Variants in STS observed in about 807,000 individuals in gnomAD.
The protein encoded by STS is steryl-sulfatase.
STS carries 7 observed loss-of-function variants against 26.8 expected under a neutral mutation model. The observed-to-expected ratio is 0.26, with a 90% CI of 0.15 to 0.49. The LOEUF (loss-of-function observed/expected upper bound fraction) is 0.49, where lower values mean the gene tolerates loss of function less well. Among genes scored for constraint, STS ranks in the 20% least tolerant of loss-of-function variants. The probability of loss-of-function intolerance (pLI) is 0.98; values close to 1 mark genes in which losing one functional copy is unlikely to be tolerated. For missense variants in STS, 434 were observed against 465.6 expected (o/e 0.93, Z 0.63); for synonymous variants, 199 against 189.4 (o/e 1.05, Z -0.42).
Position 7,158,252 on chromosome X carries a change from G to A in STS, c.-134+10169G>A, listed in dbSNP as rs372498437. Among the ~76,000 whole-genome samples, 10 of 111,364 alleles carry A rather than the reference G, an allele frequency of 9.0e-5. No homozygotes were observed. In the East Asian group the frequency reaches 1.1e-3, roughly 13 times the overall value. ...ATCTGCTCTAGAGACTTCTGATCTC[G>A]AGGACTAGGGGGAGTTGATTTAGGT... is the stretch of plus-strand genomic sequence containing the variant. On this transcript the variant is annotated intron_variant, in intron 1 of 10. Coordinates refer to ENST00000674429, the MANE Select transcript of STS (RefSeq NM_001320752.2).
chrX:7,335,067 T>C (rs1927947965), intron 10 of STS, among the ~76,000 whole-genome samples: 1 of 112,616 alleles, frequency 8.9e-6, no homozygotes, highest in African/African-American at 3.2e-5. Context: ...ACAATAAACA[T>C]ACTTGTGCAT....
chrX:7,275,045 C>A (rs1242647621), intron 6 of STS, among the ~76,000 whole-genome samples: 1 of 109,925 alleles, frequency 9.1e-6, no homozygotes, highest in African/African-American at 3.3e-5. Flanking sequence ...CACAGAAAGA[C>A]AAATACTGCA....
Position 7,353,275 on chromosome X carries a change from G to A in STS, c.*3014G>A, listed in dbSNP as rs148276976. 9.0e-5 allele frequency: 10 copies of A among 110,526 alleles called. No individual in the cohort carries two copies. In the East Asian group the frequency reaches 2.8e-3, roughly 31 times the overall value. 9.1% of individuals were successfully genotyped at this position (110,526 alleles called of 1,213,427 possible). ...CTCCGACCTCCATGATCCGAGAGTG[G>A]GAAAAGGCCCGATTATTACCCATAA... On this transcript the variant is annotated 3_prime_UTR_variant, in exon 11 of 11. Coordinates refer to ENST00000674429, the MANE Select transcript of STS (RefSeq NM_001320752.2).
intron 6 of STS, among the ~76,000 whole-genome samples, chrX:7,272,373 G>C (rs765452038): frequency 9.1e-6 from 1 of 109,965 alleles, no homozygotes; most frequent in African/African-American, 3.3e-5. Flanking sequence ...ACCATGTCCC[G>C]TCAAAGTAAC....
intron 7 of STS, among the ~76,000 whole-genome samples, chrX:7,297,378 GACTA>G (rs2147130598): frequency 9.1e-6 from 1 of 110,411 alleles, no homozygotes; most frequent in South Asian, 3.9e-4. Context: ...TATATAAGGT[GACTA>G]TACTATGAAA....
intron 9 of STS, among the ~76,000 whole-genome samples, chrX:7,330,281 C>G (rs1297198487): frequency 8.9e-6 from 1 of 111,923 alleles, no homozygotes; most frequent in South Asian, 3.8e-4. Flanking sequence ...TCTTTGCAAG[C>G]AGATACAATA....
chrX:7,336,239 G>GGGGGCCCC, intron 10 of STS, among the ~76,000 whole-genome samples: 1 of 88,769 alleles, frequency 1.1e-5, no homozygotes, highest in African/African-American at 4.1e-5. Context: ...ACCTAGGACT[G>GGGGGCCCC]CCCCCCCCAC....
chrX:7,341,213 A>T (rs188657862), intron 10 of STS, among the ~76,000 whole-genome samples: 232 of 111,924 alleles, frequency 2.1e-3, no homozygotes, highest in African/African-American at 7.1e-3. Flanking sequence ...ATTAATCGAA[A>T]TGTCTTCCCC....
At chrX:7,197,590 A>G (rs1338470190) in intron 2 of STS, among the ~76,000 whole-genome samples, 1 of 111,988 alleles carries the variant, frequency 8.9e-6, no homozygotes, top group Non-Finnish European at 1.9e-5. Context: ...TAAAGGATTA[A>G]TTTTCTTAAT....
At chrX:7,223,967 T>C (rs749525565) in intron 2 of STS, among the ~76,000 whole-genome samples, 1 of 110,686 alleles carries the variant, frequency 9.0e-6, no homozygotes, top group African/African-American at 3.3e-5. Flanking sequence ...AGGAGAGGCA[T>C]TGGCGAGAGT....
chrX:7,171,696 G>C (rs1264440020), intron 1 of STS, among the ~76,000 whole-genome samples: 2 of 111,209 alleles, frequency 1.8e-5, no homozygotes, highest in African/African-American at 6.5e-5. Flanking sequence ...AAGTACTCCT[G>C]ACGACTGCCC....
chrX:7,275,409 A>G (rs1054521843), intron 6 of STS, among the ~76,000 whole-genome samples: 17 of 111,702 alleles, frequency 1.5e-4, no homozygotes, highest in African/African-American at 5.2e-4. Flanking sequence ...CAACAAGTCT[A>G]TACAAGAATT....
intron 9 of STS, 135 bp from the exon 10 acceptor site, chrX:7,333,851 A>C: frequency 1.2e-6 from 1 of 864,333 alleles, no homozygotes; most frequent in Admixed American, 2.5e-5. Context: ...AGTGTGTTGC[A>C]CAGGGCACCC....
intron 1 of STS, among the ~76,000 whole-genome samples, chrX:7,176,740 C>A (rs1352953638): frequency 9.0e-6 from 1 of 110,947 alleles, no homozygotes; most frequent in Non-Finnish European, 1.9e-5. Flanking sequence ...AGAACTTACT[C>A]GCTAACACAA....
At chrX:7,230,729 C>G (rs1036001247) in intron 2 of STS, among the ~76,000 whole-genome samples, 1 of 111,071 alleles carries the variant, frequency 9.0e-6, no homozygotes, top group Non-Finnish European at 1.9e-5. Flanking sequence ...CATGAGAGCT[C>G]ACTATCACAA....
At position 7,353,618 on chromosome X, in the gene STS, C is replaced by T. The variant is rs1928889843; in HGVS notation, c.*3357C>T. The T allele has an allele frequency of 9.0e-6, 1 of 110,983 alleles. No individual in the cohort carries two copies. The highest frequency in any genetic ancestry group is 9.7e-5 in the Admixed American group (1 of 10,360). The allele number at this position is 110,983 out of a possible 1,213,427, so 9.1% of individuals were successfully genotyped here. On this transcript the variant is annotated 3_prime_UTR_variant, in exon 11 of 11. Transcript: ENST00000674429. ...GTATTATTCTCTCTTCTCTTTGTTTCAACTGGATTCCTTTGGAAAACCAAA... is the reference window on the plus strand; with the variant it reads ...GTATTATTCTCTCTTCTCTTTGTTTTAACTGGATTCCTTTGGAAAACCAAA...
chrX:7,258,813 G>C (rs976102010), intron 5 of STS, among the ~76,000 whole-genome samples: 2 of 108,915 alleles, frequency 1.8e-5, no homozygotes, highest in Admixed American at 2.0e-4. Flanking sequence ...GTAAGGATTC[G>C]TTTCCACTTT....
chrX:7,324,296 T>G (rs1466668425), intron 8 of STS, among the ~76,000 whole-genome samples: 1 of 109,698 alleles, frequency 9.1e-6, no homozygotes, highest in African/African-American at 3.3e-5. Flanking sequence ...AATAAGGGGG[T>G]TGTGGAGGCC....
chrX:7,332,798 A>G (rs1486061543), intron 9 of STS, among the ~76,000 whole-genome samples: 1 of 111,820 alleles, frequency 8.9e-6, no homozygotes, highest in Non-Finnish European at 1.9e-5. Context: ...AACTCTCTCT[A>G]CGGTGTTTCT....
Sources: allele counts gnomAD v4.1 joint callset (sites outside exome capture counted in the v4.1 genomes callset), GRCh38; gene constraint gnomAD v4.1.1; transcripts MANE v1.5; gene names NCBI Gene and HGNC (gene_info 2026-07-23, HGNC 2026-07-21).